The following CLEC12A variants were observed in gnomAD, a reference collection of about 807,000 sequenced individuals.
The protein encoded by CLEC12A is C-type lectin domain family 12 member A, also known as C-type lectin protein CLL-1.
Under a neutral mutation model 26.5 loss-of-function variants are expected in CLEC12A, and 22 were observed. The ratio of observed to expected loss-of-function variants is 0.83; its 90% CI spans 0.59 to 1.19. CLEC12A has a LOEUF of 1.19. Among genes scored for constraint, CLEC12A ranks in the 50% most tolerant of loss-of-function variants. The probability of loss-of-function intolerance (pLI) is 0.00; values close to 1 mark genes in which losing one functional copy is unlikely to be tolerated. For synonymous variants in CLEC12A, 119 were observed against 101.9 expected (o/e 1.17, Z -1.01); for missense variants, 353 against 315.6 (o/e 1.12, Z -0.90).
At chr12:9,960,109 G>A (rs908205868) in intron 1 of CLEC12A, among the ~76,000 whole-genome samples, 15 of 152,182 alleles carry the variant, frequency 9.9e-5, no homozygotes, top group South Asian at 6.2e-4. Flanking sequence ...CCACCCACTC[G>A]TCTATCAAGT....
At chr12:9,961,325 T>C (rs534802287) in intron 1 of CLEC12A, among the ~76,000 whole-genome samples, 1 of 152,182 alleles carries the variant, frequency 6.6e-6, no homozygotes, top group Non-Finnish European at 1.5e-5. Flanking sequence ...CAAAGAGCTG[T>C]GGTTGAAGAG....
At chr12:10,000,592 T>A (rs1477522237), downstream of CLEC12A, among the ~76,000 whole-genome samples, 3 of 152,246 alleles carry the variant, frequency 2.0e-5, no homozygotes, top group Non-Finnish European at 2.9e-5. Context: ...TTTGTTGCTG[T>A]GTTTCTTATC....
upstream of CLEC12A, among the ~76,000 whole-genome samples, chr12:9,967,077 G>T (rs1449302158): frequency 2.0e-5 from 3 of 151,856 alleles, no homozygotes; most frequent in Non-Finnish European, 4.4e-5. Flanking sequence ...GAGAGGAGGT[G>T]ATAAAAGGAT....
intron 4 of CLEC12A, among the ~76,000 whole-genome samples, chr12:9,994,852 C>CACACAT (rs1864996303): frequency 6.6e-6 from 1 of 151,850 alleles, no homozygotes. Context: ...CACACACACT[C>CACACAT]ACACATACAC....
intron 4 of CLEC12A, chr12:9,992,828 C>G (rs1864923624): frequency 4.5e-6 from 1 of 224,454 alleles, no homozygotes; most frequent in South Asian, 1.2e-4. Flanking sequence ...CCTATATTGG[C>G]CTGATTTTGA....
intron 1 of CLEC12A, among the ~76,000 whole-genome samples, chr12:9,966,089 A>G (rs1053754756): frequency 1.8e-4 from 28 of 152,288 alleles, no homozygotes; most frequent in Admixed American, 5.9e-4. Context: ...AGGAGTGCTT[A>G]AAAGAGTATT....
chr12:9,994,991 T>C (rs1199934134), intron 4 of CLEC12A: 1 of 1,541,598 alleles, frequency 6.5e-7, no homozygotes, highest in Non-Finnish European at 8.8e-7. Context: ...AATTGTCTTA[T>C]GACCAGCGCT....
chr12:9,993,415 A>AC (rs11447004), intron 4 of CLEC12A: 368,914 of 680,570 alleles, frequency 0.54, 117,186 homozygotes, highest in East Asian at 0.73. Flanking sequence ...ACAAAAAAAA[A>AC]AACGATTCTC....
chr12:9,988,363 TG>T (rs1402721246), downstream of CLEC12A, among the ~76,000 whole-genome samples: 1 of 152,050 alleles, frequency 6.6e-6, no homozygotes, highest in Non-Finnish European at 1.5e-5. Context: ...AATTGACAAA[TG>T]GGATCTAATT....
chr12:9,968,906 A>G (rs777409064), upstream of CLEC12A, among the ~76,000 whole-genome samples: 1 of 152,218 alleles, frequency 6.6e-6, no homozygotes, highest in Admixed American at 6.5e-5. Context: ...ACAATGGAAT[A>G]TTATTTGGCC....
At chr12:9,987,912 G>A (rs752785269), downstream of CLEC12A, among the ~76,000 whole-genome samples, 3 of 151,988 alleles carry the variant, frequency 2.0e-5, no homozygotes, top group South Asian at 6.2e-4. Context: ...TGGTTCAAGT[G>A]ATTCTCCTGC....
At chr12:9,997,845 G>C (rs476564), downstream of CLEC12A, among the ~76,000 whole-genome samples, 1 of 151,874 alleles carries the variant, frequency 6.6e-6, no homozygotes, top group Non-Finnish European at 1.5e-5. Context: ...GAAATGCACA[G>C]TAACTTAGTA....
At chr12:9,962,128 G>A (rs1326902740) in intron 1 of CLEC12A, among the ~76,000 whole-genome samples, 1 of 152,118 alleles carries the variant, frequency 6.6e-6, no homozygotes, top group Non-Finnish European at 1.5e-5. Context: ...AATGGCTTCC[G>A]GCAGTAGCTA....
chr12:9,995,461 A>G (rs1359398554), exon 5 of CLEC12A: 1 of 492,626 alleles, frequency 2.0e-6, no homozygotes, highest in Non-Finnish European at 3.7e-6. Context: ...TGTACACAAA[A>G]TAGCTGATAT....
At chr12:10,004,665 A>G in the CLEC12A span, among the ~76,000 whole-genome samples, 1 of 151,942 alleles carries the variant, frequency 6.6e-6, no homozygotes, top group Non-Finnish European at 1.5e-5. Flanking sequence ...CCAAAAGGCA[A>G]CTTTTTGGGG....
the CLEC12A span, among the ~76,000 whole-genome samples, chr12:10,004,586 C>T: frequency 2.0e-4 from 31 of 151,904 alleles, no homozygotes; most frequent in South Asian, 1.0e-3. Flanking sequence ...CTCATCTCCT[C>T]GTCTGCTCAT....
intron 4 of CLEC12A, 142 bp from the exon 5 acceptor site, chr12:9,981,878 A>G (rs372717707): frequency 4.8e-5 from 24 of 502,918 alleles, no homozygotes; most frequent in East Asian, 2.1e-4. Context: ...CTTTCTTTCA[A>G]TTTCTTATAA....
At chr12:9,966,222 G>A (rs956545655) in intron 1 of CLEC12A, among the ~76,000 whole-genome samples, 1 of 152,188 alleles carries the variant, frequency 6.6e-6, no homozygotes, top group Non-Finnish European at 1.5e-5. Flanking sequence ...GGAGTGGGTA[G>A]CCTCCGTATT....
At position 9,984,917 on chromosome 12, in the gene CLEC12A, T is replaced by C. The variant is rs749488975; in HGVS notation, c.689T>C (p.Ile230Thr). 1.9e-6 allele frequency: 3 copies of C among 1,582,892 alleles called. No homozygotes were observed. Among genetic ancestry groups the C allele is most frequent in the Admixed American group, 3.5e-5 (2 of 57,106 alleles). ...PDLNNMYCGYINRLYVQYYHC... is the reference protein window; with the variant it reads ...PDLNNMYCGYTNRLYVQYYHC... ...TTAAATAACATGTATTGTGGATATA[T>C]AAATAGACTATATGTTCAATATTAT... Residue 230 changes from isoleucine to threonine, a missense_variant, in exon 6 of 6, where the codon ATA becomes ACA. Transcript: ENST00000304361.
Sources: gnomAD v4.1 joint callset for allele counts (sites outside exome capture counted in the v4.1 genomes callset) on GRCh38, gnomAD v4.1.1 for gene constraint, MANE v1.5 for transcripts, NCBI Gene and HGNC (gene_info 2026-07-23, HGNC 2026-07-21) for gene names.